The following SLC35F4 variants were observed in gnomAD, a reference collection of about 807,000 sequenced individuals.
SLC35F4 encodes the protein solute carrier family 35 member F4, also known as chromosome 14 open reading frame 36.
In SLC35F4, 24 loss-of-function variants were observed where a neutral mutation model predicts 44.2. The observed-to-expected ratio is 0.54, with a 90% CI of 0.39 to 0.76. SLC35F4 has a LOEUF of 0.76. Among genes scored for constraint, SLC35F4 ranks in the 30% least tolerant of loss-of-function variants. The probability of loss-of-function intolerance (pLI) is 0.00; values close to 1 mark genes in which losing one functional copy is unlikely to be tolerated. For missense variants in SLC35F4, 562 were observed against 586.1 expected, an observed-to-expected ratio of 0.96 and a Z score of 0.42; for synonymous variants, 238 against 223.6, an observed-to-expected ratio of 1.06 and a Z score of -0.57.
chr14:57,700,146 A>G (rs943633125), intron 1 of SLC35F4, among the ~76,000 whole-genome samples: 1 of 152,204 alleles, frequency 6.6e-6, no homozygotes, highest in Non-Finnish European at 1.5e-5. Context: ...GTACTTATAC[A>G]AATCCAGATG....
intron 1 of SLC35F4, among the ~76,000 whole-genome samples, chr14:57,714,580 C>T (rs2075892774): frequency 6.6e-6 from 1 of 152,114 alleles, no homozygotes; most frequent in East Asian, 1.9e-4. Flanking sequence ...AATCAGACCA[C>T]CAAGAAAGAA....
chr14:57,868,863 G>A (rs961785940), upstream of SLC35F4, among the ~76,000 whole-genome samples: 2 of 152,094 alleles, frequency 1.3e-5, no homozygotes, highest in Non-Finnish European at 2.9e-5. Context: ...GAGTTGCAAT[G>A]TATGCCTCAA....
At position 57,957,923 on chromosome 14, in the gene SLC35F4, C is replaced by T. The variant is rs142220666; in HGVS notation, n.282+23990G>A. 7.0e-4 allele frequency among the ~76,000 whole-genome samples: 106 copies of T among 152,236 alleles called. No homozygotes were observed. In the Middle Eastern group the frequency reaches 0.01, roughly 15 times the overall value. On this transcript the variant is annotated intron_variant and non_coding_transcript_variant, in intron 1 of 1. Transcript: ENST00000556568. ...CTTACGTATATATTTCCCCTAGGAACAATGATTCATTATTCACGAATTCAG... is the reference window on the plus strand; with the variant it reads ...CTTACGTATATATTTCCCCTAGGAATAATGATTCATTATTCACGAATTCAG...
At chr14:57,735,919 A>G (rs1439696246) in intron 1 of SLC35F4, among the ~76,000 whole-genome samples, 5 of 151,948 alleles carry the variant, frequency 3.3e-5, no homozygotes, top group Non-Finnish European at 5.9e-5. Flanking sequence ...TGGGGGTCTC[A>G]CTGTATTGCC....
At chr14:57,958,044 T>C (rs1207118897) in intron 1 of SLC35F4, among the ~76,000 whole-genome samples, 1 of 151,668 alleles carries the variant, frequency 6.6e-6, no homozygotes, top group Non-Finnish European at 1.5e-5. Context: ...CAGTATAACA[T>C]ATTAATTAGA....
At chr14:57,879,288 C>T (rs932345741) in intron 1 of SLC35F4, among the ~76,000 whole-genome samples, 1 of 152,068 alleles carries the variant, frequency 6.6e-6, no homozygotes, top group Admixed American at 6.6e-5. Context: ...AGGTTCTATC[C>T]TGCCTTTGTC....
chr14:57,573,968 T>G (rs956112879), intron 4 of SLC35F4, among the ~76,000 whole-genome samples: 1 of 152,192 alleles, frequency 6.6e-6, no homozygotes, highest in Non-Finnish European at 1.5e-5. Flanking sequence ...ATTTTATATT[T>G]TAAATTATTA....
chr14:57,773,394 C>A (rs2140694688), intron 1 of SLC35F4, among the ~76,000 whole-genome samples: 1 of 152,246 alleles, frequency 6.6e-6, no homozygotes, highest in South Asian at 2.1e-4. Flanking sequence ...TCATCTATTC[C>A]ATTGAGATCT....
intron 1 of SLC35F4, among the ~76,000 whole-genome samples, chr14:57,621,511 C>G (rs2072178762): frequency 1.3e-5 from 2 of 152,120 alleles, no homozygotes; most frequent in Admixed American, 1.3e-4. Context: ...AGAAATAACA[C>G]TACATATCTA....
chr14:57,882,662 C>G (rs1888560592), intron 1 of SLC35F4, among the ~76,000 whole-genome samples: 1 of 152,152 alleles, frequency 6.6e-6, no homozygotes, highest in African/African-American at 2.4e-5. Context: ...TCATAGCTTT[C>G]CAGCCCATTT....
At chr14:57,918,565 T>C (rs1037598498) in intron 1 of SLC35F4, among the ~76,000 whole-genome samples, 1 of 152,192 alleles carries the variant, frequency 6.6e-6, no homozygotes. Flanking sequence ...CATGGTCTTA[T>C]AAAAATTTAT....
intron 1 of SLC35F4, among the ~76,000 whole-genome samples, chr14:57,835,547 C>T (rs921878855): frequency 3.9e-5 from 6 of 152,134 alleles, no homozygotes; most frequent in Non-Finnish European, 5.9e-5. Context: ...GAACAATACG[C>T]AAAATGTGAC....
chr14:57,647,906 G>A (rs1163660444), intron 1 of SLC35F4, among the ~76,000 whole-genome samples: 3 of 152,050 alleles, frequency 2.0e-5, no homozygotes, highest in African/African-American at 7.2e-5. Context: ...CCGCTACCCT[G>A]ATCCTTCCTC....
intron 1 of SLC35F4, among the ~76,000 whole-genome samples, chr14:57,875,243 G>T (rs1256112532): frequency 6.6e-6 from 1 of 151,924 alleles, no homozygotes; most frequent in Non-Finnish European, 1.5e-5. Context: ...TCATCAGCTG[G>T]GCATGCAAAG....
At chr14:57,969,791 T>C (rs757494143) in intron 1 of SLC35F4, among the ~76,000 whole-genome samples, 3 of 152,184 alleles carry the variant, frequency 2.0e-5, no homozygotes, top group Non-Finnish European at 4.4e-5. Flanking sequence ...TATTTTTCCT[T>C]CTTTTGAATT....
chr14:57,815,044 A>G (rs949000592), intron 1 of SLC35F4, among the ~76,000 whole-genome samples: 1 of 152,200 alleles, frequency 6.6e-6, no homozygotes, highest in Non-Finnish European at 1.5e-5. Context: ...TTGTTCATGT[A>G]TTGTCTATAA....
chr14:57,830,918 A>T (rs1884301926), intron 1 of SLC35F4, among the ~76,000 whole-genome samples: 1 of 152,194 alleles, frequency 6.6e-6, no homozygotes, highest in African/African-American at 2.4e-5. Context: ...CCTGTGGAGC[A>T]AGTTCAACAG....
rs1374312849 is a variant in SLC35F4 at position 57,919,945 on chromosome 14, A to G, written n.282+61968T>C. Among the ~76,000 whole-genome samples the G allele has an allele frequency of 2.6e-5, 4 of 152,030 alleles. No homozygotes were observed. The East Asian group carries it at 7.7e-4, about 29-fold the overall frequency. On this transcript the variant is annotated intron_variant and non_coding_transcript_variant, in intron 1 of 1. Transcript: ENST00000556568. The stretch of plus-strand genomic sequence containing the variant: ...ACATGGTCATTCTGTACCTCTATAA[A>G]CCACTTTGCCACCTTTCAGATCCCT...
chr14:57,631,781 T>G (rs1043771289), intron 1 of SLC35F4, among the ~76,000 whole-genome samples: 4 of 152,242 alleles, frequency 2.6e-5, no homozygotes, highest in African/African-American at 9.6e-5. Context: ...CCATTTATAA[T>G]TTCTAGTATT....
Sources: allele counts gnomAD v4.1 joint callset (sites outside exome capture counted in the v4.1 genomes callset), GRCh38; gene constraint gnomAD v4.1.1; transcripts MANE v1.5; gene names NCBI Gene and HGNC (gene_info 2026-07-23, HGNC 2026-07-21).